The following AGTPBP1 variants were observed in gnomAD, a reference collection of about 807,000 sequenced individuals.
AGTPBP1 encodes the protein ATP/GTP binding carboxypeptidase 1, also known as cytosolic carboxypeptidase 1.
In AGTPBP1, 70 loss-of-function variants were observed where a neutral mutation model predicts 143.9. The ratio of observed to expected loss-of-function variants is 0.49; its 90% confidence interval spans 0.40 to 0.59. AGTPBP1 has a LOEUF of 0.59. AGTPBP1 is among the 20% of genes least tolerant of loss of function. The pLI, the probability that AGTPBP1 is intolerant of heterozygous loss-of-function variation, is 0.00. For missense variants in AGTPBP1, 1,229 were observed against 1,464.5 expected, an observed-to-expected ratio of 0.84 and a Z score of 2.62; for synonymous variants, 463 against 500.2, an observed-to-expected ratio of 0.93 and a Z score of 0.99.
intron 17 of AGTPBP1, among the ~76,000 whole-genome samples, chr9:85,608,354 ATACTAT>A (rs1373086453): frequency 1.3e-5 from 2 of 152,148 alleles, no homozygotes; most frequent in African/African-American, 2.4e-5. Flanking sequence ...CGACAGGGAC[ATACTAT>A]TGATATAGTC....
At chr9:85,686,054 T>TA (rs955362519) in intron 3 of AGTPBP1, among the ~76,000 whole-genome samples, 3 of 151,876 alleles carry the variant, frequency 2.0e-5, no homozygotes, top group African/African-American at 4.8e-5. Context: ...AGAAAAGGAA[T>TA]AAAAAACATA....
the AGTPBP1 span, among the ~76,000 whole-genome samples, chr9:85,747,824 T>C: frequency 0.051 from 7,821 of 152,194 alleles, 349 homozygotes; most frequent in African/African-American, 0.12. Context: ...ATGATATTCA[T>C]AATAATGGTA....
chr9:85,747,685 A>G, the AGTPBP1 span, among the ~76,000 whole-genome samples: 10 of 152,180 alleles, frequency 6.6e-5, no homozygotes, highest in African/African-American at 2.4e-4. Flanking sequence ...AACCCAGTGA[A>G]GAGTATGAGT....
intron 25 of AGTPBP1, among the ~76,000 whole-genome samples, chr9:85,568,519 A>G (rs1827253129): frequency 6.6e-6 from 1 of 152,192 alleles, no homozygotes; most frequent in African/African-American, 2.4e-5. Flanking sequence ...TGGACCTCAG[A>G]GACTCTGATA....
Position 85,681,353 on chromosome 9 carries a change from A to AT in AGTPBP1, c.158-19dup, listed in dbSNP as rs1280560302. 1.2e-6 allele frequency: 2 copies of AT among 1,605,884 alleles called. No individual in the cohort carries two copies. Among genetic ancestry groups the AT allele is most frequent in the African/African-American group, 1.3e-5 (1 of 74,296 alleles). Reference sequence around the variant, plus strand: ...TGTTTTTTCTGAAAAGTAGCAAACAATTTTTTTCTCAAACATAAATTTTTA... The same window carrying AT: ...TGTTTTTTCTGAAAAGTAGCAAACAATTTTTTTTCTCAAACATAAATTTTTA... On this transcript the variant is annotated intron_variant, in intron 3 of 25. Coordinates refer to ENST00000357081, the MANE Select transcript of AGTPBP1 (RefSeq NM_001330701.2).
chr9:85,646,171 T>C lies in AGTPBP1; in HGVS notation c.1185+150A>G, dbSNP rs1832794836. On this transcript the variant is annotated intron_variant, in intron 12 of 25. Transcript: ENST00000357081. Reference sequence around the variant, plus strand: ...GACCAGTGGATTTAAACCAATATCATCTACCCCTTTAATTGCATAGTCATT... The same window carrying C: ...GACCAGTGGATTTAAACCAATATCACCTACCCCTTTAATTGCATAGTCATT... 1.7e-5 allele frequency: 10 copies of C among 593,184 alleles called. No individual in the cohort carries two copies. In the South Asian group the frequency reaches 1.7e-4, roughly 10 times the overall value. 36.7% of individuals were successfully genotyped at this position (593,184 alleles called of 1,614,324 possible).
chr9:85,717,485 G>C (rs896866397), intron 1 of AGTPBP1, among the ~76,000 whole-genome samples: 2 of 152,172 alleles, frequency 1.3e-5, no homozygotes, highest in Non-Finnish European at 2.9e-5. Context: ...CTGGGTGACA[G>C]AGCAAGACGC....
the AGTPBP1 span, among the ~76,000 whole-genome samples, chr9:85,751,136 C>A: frequency 5.3e-5 from 8 of 152,318 alleles, no homozygotes; most frequent in South Asian, 1.7e-3. Context: ...CTTTACTTAT[C>A]ATCCCCCTTT....
intron 1 of AGTPBP1, among the ~76,000 whole-genome samples, chr9:85,713,093 C>T (rs1032489914): frequency 6.6e-6 from 1 of 152,164 alleles, no homozygotes; most frequent in African/African-American, 2.4e-5. Context: ...CCTTAAATCT[C>T]GATTCACACA....
the AGTPBP1 span, among the ~76,000 whole-genome samples, chr9:85,780,527 C>T: frequency 2.0e-5 from 3 of 151,076 alleles, no homozygotes; most frequent in East Asian, 3.9e-4. Flanking sequence ...ATAAACTTTA[C>T]AGAAGATACT....
intron 25 of AGTPBP1, among the ~76,000 whole-genome samples, chr9:85,552,168 C>A (rs958578044): frequency 2.0e-5 from 3 of 152,166 alleles, no homozygotes; most frequent in African/African-American, 7.2e-5. Flanking sequence ...AGAAAAACAT[C>A]AAAACTTTCA....
chr9:85,726,564 G>A lies in AGTPBP1; in HGVS notation c.-33-13998C>T, dbSNP rs1174049660. Among the ~76,000 whole-genome samples, 5 of 152,342 alleles carry A rather than the reference G, an allele frequency of 3.3e-5. No homozygotes were observed. The East Asian group carries it at 7.7e-4, about 23-fold the overall frequency. On this transcript the variant is annotated intron_variant, in intron 1 of 25. Transcript: ENST00000357081. ...TCATTTCATTGCACTAGTGCATCAAGAGACATAAAACAAGTCCCTCTTTAC... is the reference window on the plus strand; with the variant it reads ...TCATTTCATTGCACTAGTGCATCAAAAGACATAAAACAAGTCCCTCTTTAC...
the AGTPBP1 span, among the ~76,000 whole-genome samples, chr9:85,760,469 G>T: frequency 6.6e-6 from 1 of 152,060 alleles, no homozygotes; most frequent in African/African-American, 2.4e-5. Flanking sequence ...TTCAACATAC[G>T]CAAATCAATA....
At chr9:85,574,722 T>C (rs931797791) in intron 25 of AGTPBP1, among the ~76,000 whole-genome samples, 5 of 152,038 alleles carry the variant, frequency 3.3e-5, no homozygotes, top group Non-Finnish European at 5.9e-5. Flanking sequence ...TTTTTTTTTT[T>C]TTTGGAGATA....
At chr9:85,554,793 A>C (rs1826233395) in intron 25 of AGTPBP1, among the ~76,000 whole-genome samples, 1 of 152,206 alleles carries the variant, frequency 6.6e-6, no homozygotes, top group Non-Finnish European at 1.5e-5. Context: ...GGGGGTTCTC[A>C]GGCATGAACT....
At chr9:85,551,187 A>G (rs1301401904) in intron 25 of AGTPBP1, among the ~76,000 whole-genome samples, 1 of 152,110 alleles carries the variant, frequency 6.6e-6, no homozygotes. Flanking sequence ...ACCACCAGCC[A>G]ATTAAACCTC....
chr9:85,564,378 T>C (rs987663224), intron 25 of AGTPBP1, among the ~76,000 whole-genome samples: 8 of 152,228 alleles, frequency 5.3e-5, no homozygotes, highest in African/African-American at 1.9e-4. Flanking sequence ...GCACCTAACT[T>C]GGTTGATTCC....
At position 85,660,297 on chromosome 9, in the gene AGTPBP1, G is replaced by A. The variant is rs186742144; in HGVS notation, c.700+639C>T. ...AAAATGTTTATGTAATCAACCAACA[G>A]ACCCCTGAAGCCCCCCAAAAAAATA... On this transcript the variant is annotated intron_variant, in intron 9 of 25. Transcript: ENST00000357081. Among the ~76,000 whole-genome samples the A allele has an allele frequency of 2.6e-3, 391 of 152,038 alleles. 2 individuals carry two copies. The highest frequency in any genetic ancestry group is 9.2e-3 in the African/African-American group (381 of 41,482).
chr9:85,656,070 G>A (rs963267423), intron 10 of AGTPBP1, among the ~76,000 whole-genome samples: 6 of 152,070 alleles, frequency 3.9e-5, no homozygotes, highest in African/African-American at 7.2e-5. Flanking sequence ...CTCGTGATCC[G>A]CCCGCCTTGG....
Sources: gnomAD v4.1 joint callset for allele counts (sites outside exome capture counted in the v4.1 genomes callset) on GRCh38, gnomAD v4.1.1 for gene constraint, MANE v1.5 for transcripts, NCBI Gene and HGNC (gene_info 2026-07-23, HGNC 2026-07-21) for gene names.